The following LRRC71 variants were observed in gnomAD, a reference collection of about 807,000 sequenced individuals.
LRRC71 encodes the protein leucine rich repeat containing 71, also known as leucine-rich repeat-containing protein 71.
In LRRC71, 54 loss-of-function variants were observed where a neutral mutation model predicts 66.6. The ratio of observed to expected loss-of-function variants is 0.81; its 90% CI spans 0.65 to 1.02. LRRC71 has a LOEUF of 1.02. LRRC71 is among the 50% of genes least tolerant of loss of function. The pLI, the probability that LRRC71 is intolerant of heterozygous loss-of-function variation, is 0.00. For missense variants in LRRC71, 724 were observed against 718.0 expected, an observed-to-expected ratio of 1.01 and a Z score of -0.10; for synonymous variants, 323 against 303.9, an observed-to-expected ratio of 1.06 and a Z score of -0.65.
the LRRC71 span, chr1:156,938,364 A>G: frequency 6.5e-7 from 1 of 1,548,658 alleles, no homozygotes; most frequent in East Asian, 2.3e-5. Context: ...CTGCCCTCAC[A>G]GGTTCCACAC....
chr1:156,931,248 C>T (rs1654323559), intron 12 of LRRC71, among the ~76,000 whole-genome samples: 1 of 152,288 alleles, frequency 6.6e-6, no homozygotes, highest in South Asian at 2.1e-4. Flanking sequence ...CTTTATTTTT[C>T]TCTTCCATTG....
chr1:156,932,317 G>A lies in LRRC71; in HGVS notation c.1442-107G>A, dbSNP rs1481656277. ...GGGAAAGGTGTGCCTGGGCCAGTGA[G>A]TCTGGAGTGGGGAGCTGGAGGAACT... is the stretch of plus-strand genomic sequence containing the variant. On this transcript the variant is annotated intron_variant, in intron 13 of 14. Coordinates refer to ENST00000337428, the MANE Select transcript of LRRC71 (RefSeq NM_144702.3). 7 of 895,970 alleles carry A rather than the reference G, an allele frequency of 7.8e-6. No homozygotes were observed. The East Asian group carries it at 1.6e-4, about 20-fold the overall frequency. The allele number at this position is 895,970 out of a possible 1,614,324, so 55.5% of individuals were successfully genotyped here.
downstream of LRRC71, chr1:156,937,366 C>G (rs1162657232): frequency 6.2e-7 from 1 of 1,611,364 alleles, no homozygotes; most frequent in South Asian, 1.1e-5. Context: ...CGTTGCCTCC[C>G]TGCAGCTGAG....
At chr1:156,939,421 G>A in the LRRC71 span, 4 of 1,336,314 alleles carry the variant, frequency 3.0e-6, no homozygotes, top group African/African-American at 4.4e-5. Context: ...CTTCTTCCAG[G>A]ACCCAGCGTA....
chr1:156,932,329 G>A (rs1013063742), intron 13 of LRRC71, 95 bp from the exon 14 acceptor site: 4 of 1,005,298 alleles, frequency 4.0e-6, no homozygotes, highest in African/African-American at 3.2e-5. Flanking sequence ...CTGGAGTGGG[G>A]AGCTGGAGGA....
the LRRC71 span, chr1:156,938,352 C>T: frequency 1.2e-5 from 18 of 1,497,430 alleles, no homozygotes; most frequent in Non-Finnish European, 1.7e-5. Context: ...AGGGGTCCGA[C>T]TCTGCCCTCA....
intron 1 of LRRC71, among the ~76,000 whole-genome samples, chr1:156,922,696 G>A (rs1441447578): frequency 6.6e-6 from 1 of 152,166 alleles, no homozygotes; most frequent in Non-Finnish European, 1.5e-5. Flanking sequence ...GTTGTCCTTG[G>A]ACCAGCAACT....
At position 156,925,084 on chromosome 1, in the gene LRRC71, TG is replaced by T. The variant is rs534883182; in HGVS notation, c.593+73del. The T allele has an allele frequency of 9.8e-4, 1,430 of 1,462,224 alleles. 12 individuals are homozygous for T. The African/African-American group carries it at 0.017, about 17-fold the overall frequency. The allele number at this position is 1,462,224 out of a possible 1,614,324, so 90.6% of individuals were successfully genotyped here. On this transcript the variant is annotated intron_variant, in intron 5 of 14. Transcript: ENST00000337428. The stretch of plus-strand genomic sequence containing the variant: ...GGCGGGTGGTCAGAGGGGAGCAGTG[TG>T]GGGATGGAAGTGGCAGGTCCCAGCT...
chr1:156,940,558 T>C, the LRRC71 span: 2 of 720,012 alleles, frequency 2.8e-6, no homozygotes, highest in Admixed American at 6.2e-5. Flanking sequence ...GAACTTCCCA[T>C]GGCCAGCACT....
chr1:156,921,339 T>G (rs935154758), intron 1 of LRRC71, among the ~76,000 whole-genome samples: 11 of 152,098 alleles, frequency 7.2e-5, no homozygotes, highest in Non-Finnish European at 1.5e-4. Flanking sequence ...GTGGACACAG[T>G]CCTGCCCCCA....
intron 5 of LRRC71, among the ~76,000 whole-genome samples, chr1:156,925,647 C>G (rs945505): frequency 6.6e-6 from 1 of 152,224 alleles, no homozygotes. Flanking sequence ...GGCAGGGTAA[C>G]TACAGGTGTG....
At chr1:156,924,757 G>A (rs1159304612) in intron 4 of LRRC71, 39 bp downstream of exon 4, 1 of 1,548,274 alleles carries the variant, frequency 6.5e-7, no homozygotes, top group Admixed American at 2.0e-5. Flanking sequence ...GACCAGAGTG[G>A]GAGTTGGGGC....
At position 156,920,903 on chromosome 1, in the gene LRRC71, G is replaced by A. The variant is rs1652253973; in HGVS notation, c.100G>A (p.Ala34Thr). ...GAVTKKGERA[A>T]KEKPATVLPP... The stretch of plus-strand genomic sequence containing the variant: ...GGTGACCAAAAAGGGAGAGCGCGCG[G>A]CCAAAGAGAAGCCAGCGACCGTTCT... Residue 34 changes from alanine to threonine, a missense_variant, in exon 1 of 15, where the codon GCC becomes ACC. Coordinates refer to ENST00000337428, the MANE Select transcript of LRRC71 (RefSeq NM_144702.3). This position sits in a 1 kb window ranked among gnomAD's most constrained non-coding sequence, Gnocchi z 4.9. 5.2e-6 allele frequency: 8 copies of A among 1,540,538 alleles called. No individual in the cohort carries two copies. Among genetic ancestry groups the A allele is most frequent in the Non-Finnish European group, 7.0e-6 (8 of 1,142,574 alleles).
Position 156,924,431 on chromosome 1 carries a change from G to A in LRRC71, c.318G>A (p.Pro106=). ...SLSEKATLDD[P]RLSGSCSLNS... ...CTCACCTCTGCCTTCCAGACGATCC[G>A]CGGCTGTCGGGGTCCTGCAGCCTCA... The change falls in exon 3 of 15, where the codon CCG becomes CCA. Residue 106 remains proline, a synonymous_variant. Coordinates refer to ENST00000337428, the MANE Select transcript of LRRC71 (RefSeq NM_144702.3). The A allele has an allele frequency of 2.6e-6, 4 of 1,550,464 alleles. No homozygotes were observed. The highest frequency in any genetic ancestry group is 8.7e-7 in the Non-Finnish European group (1 of 1,146,942).
Position 156,920,764 on chromosome 1 carries a change from C to A in LRRC71, c.-40C>A. The A allele has an allele frequency of 6.8e-7, 1 of 1,469,586 alleles. No individual in the cohort carries two copies. The highest frequency in any genetic ancestry group is 9.0e-7 in the Non-Finnish European group (1 of 1,106,794). The allele number at this position is 1,469,586 out of a possible 1,614,324, so 91.0% of individuals were successfully genotyped here. On this transcript the variant is annotated 5_prime_UTR_variant, in exon 1 of 15. Coordinates refer to ENST00000337428, the MANE Select transcript of LRRC71 (RefSeq NM_144702.3). The surrounding 1 kb of genome is among the most constrained non-coding windows in gnomAD (Gnocchi z 4.9). ...CGTAGAGTGCGTTCTTACCTTCCTG[C>A]CCCGACGAAGGTCCCAGAGACGCTG...
At position 156,929,535 on chromosome 1, in the gene LRRC71, T is replaced by C. The variant is rs570843721; in HGVS notation, c.1147-101T>C. On this transcript the variant is annotated intron_variant, in intron 10 of 14. Coordinates refer to ENST00000337428, the MANE Select transcript of LRRC71 (RefSeq NM_144702.3). ...AAGAAGGCCACATGGGCCTTTGAAGTTCCCCCTAAGGCCCCGGGTCCTAAC... is the reference window on the plus strand; with the variant it reads ...AAGAAGGCCACATGGGCCTTTGAAGCTCCCCCTAAGGCCCCGGGTCCTAAC... The C allele has an allele frequency of 1.5e-5, 24 of 1,551,796 alleles. No homozygotes were observed. In the East Asian group the frequency reaches 5.4e-4, roughly 35 times the overall value.
At chr1:156,938,829 G>A in the LRRC71 span, 24 of 365,418 alleles carry the variant, frequency 6.6e-5, no homozygotes, top group African/African-American at 2.1e-4. Flanking sequence ...GCCCACTAGC[G>A]TGGAACCCCA....
At chr1:156,936,799 G>C, downstream of LRRC71, 3 of 1,608,872 alleles carry the variant, frequency 1.9e-6, no homozygotes, top group Non-Finnish European at 2.5e-6. Context: ...AACCGAGAGG[G>C]ACCTGGCTTC....
chr1:156,940,328 C>T, the LRRC71 span: 3 of 1,613,976 alleles, frequency 1.9e-6, no homozygotes, highest in Non-Finnish European at 2.5e-6. Flanking sequence ...AAGGGCAAGG[C>T]AGGACACCCA....
Sources: gnomAD v4.1 joint callset for allele counts (sites outside exome capture counted in the v4.1 genomes callset) on GRCh38, gnomAD v4.1.1 for gene constraint, Gnocchi (gnomAD v3.1) non-coding constraint, MANE v1.5 for transcripts, NCBI Gene and HGNC (gene_info 2026-07-23, HGNC 2026-07-21) for gene names.